BICD1: variants seen among roughly 807,000 people sequenced by gnomAD.
BICD1 encodes the protein BICD cargo adaptor 1.
A neutral mutation model predicts 92.5 loss-of-function variants in BICD1; 35 were observed. The observed-to-expected ratio is 0.38, with a 90% CI of 0.29 to 0.50. The LOEUF (loss-of-function observed/expected upper bound fraction) is 0.50, where lower values mean the gene tolerates loss of function less well. BICD1 is among the 20% of genes least tolerant of loss of function. The probability of loss-of-function intolerance (pLI) is 0.93; values close to 1 mark genes in which losing one functional copy is unlikely to be tolerated. For missense variants in BICD1, 950 were observed against 1,189.8 expected (o/e 0.80, Z 2.97); for synonymous variants, 429 against 465.1 (o/e 0.92, Z 1.00).
At chr12:32,200,682 A>G (rs161968) in intron 1 of BICD1, among the ~76,000 whole-genome samples, 23,024 of 151,932 alleles carry the variant, frequency 0.15, 1,984 homozygotes, top group East Asian at 0.22. Context: ...CTTATATGCA[A>G]TAGTGAATAA....
At chr12:32,290,132 A>G (rs1947688735) in intron 2 of BICD1, among the ~76,000 whole-genome samples, 1 of 118,626 alleles carries the variant, frequency 8.4e-6, no homozygotes, top group African/African-American at 3.0e-5. Context: ...AGCATTCTGA[A>G]TAACAAGGAG....
intron 5 of BICD1, chr12:32,332,544 C>A: frequency 1.4e-6 from 1 of 717,524 alleles, no homozygotes; most frequent in Non-Finnish European, 1.7e-6. Context: ...AGAAGACTAA[C>A]ACATGGTCCC....
chr12:32,211,812 T>C (rs1043229865), intron 1 of BICD1, among the ~76,000 whole-genome samples: 1 of 152,162 alleles, frequency 6.6e-6, no homozygotes, highest in South Asian at 2.1e-4. Context: ...GATGATGATC[T>C]GTTGAAGACT....
At chr12:32,207,495 G>T (rs2121549744) in intron 1 of BICD1, among the ~76,000 whole-genome samples, 1 of 152,206 alleles carries the variant, frequency 6.6e-6, no homozygotes, top group South Asian at 2.1e-4. Context: ...GATTAAATCA[G>T]TTAAGAATAT....
At chr12:32,168,007 C>CGTGT (rs10568100) in intron 1 of BICD1, among the ~76,000 whole-genome samples, 5,167 of 149,864 alleles carry the variant, frequency 0.034, 108 homozygotes, top group Middle Eastern at 0.097. Flanking sequence ...AAGGAGATGG[C>CGTGT]GTGTGTGTGT....
At position 32,327,997 on chromosome 12, in the gene BICD1, G is replaced by A; in HGVS notation, c.1542G>A (p.Glu514=). 6.2e-7 allele frequency: 1 copy of A among 1,614,116 alleles called. No homozygotes were observed. Among genetic ancestry groups the A allele is most frequent in the Non-Finnish European group, 8.5e-7 (1 of 1,180,018 alleles). The change falls in exon 5 of 10, where the codon GAG becomes GAA. Residue 514 remains glutamate, a synonymous_variant. Transcript: ENST00000652176. ...ATGAGTTAGTGACATTCAGTGAGGA[G>A]TTAGCTCAGCTTTACCACCATGTGT... ...AQDELVTFSE[E]LAQLYHHVCL... is the part of the protein sequence containing the mutation.
chr12:32,141,699 C>T (rs1008806787), intron 1 of BICD1, among the ~76,000 whole-genome samples: 7 of 152,138 alleles, frequency 4.6e-5, no homozygotes, highest in Non-Finnish European at 1.5e-5. Flanking sequence ...GTCTCAAACC[C>T]CTAACCTTAA....
intron 2 of BICD1, among the ~76,000 whole-genome samples, chr12:32,229,070 C>CA (rs1426858788): frequency 6.6e-6 from 1 of 151,928 alleles, no homozygotes; most frequent in Non-Finnish European, 1.5e-5. Context: ...GCTAACATGA[C>CA]AAAACCCCAT....
At chr12:32,176,089 C>T (rs1944081667) in intron 1 of BICD1, among the ~76,000 whole-genome samples, 1 of 152,144 alleles carries the variant, frequency 6.6e-6, no homozygotes, top group Non-Finnish European at 1.5e-5. Context: ...GAATAATATT[C>T]CCTTGTATGC....
chr12:32,288,550 T>C (rs1947641716), intron 2 of BICD1, among the ~76,000 whole-genome samples: 1 of 152,110 alleles, frequency 6.6e-6, no homozygotes, highest in African/African-American at 2.4e-5. Context: ...GTGCCCAGCC[T>C]ATGTCATAAT....
intron 8 of BICD1, among the ~76,000 whole-genome samples, chr12:32,346,584 GTGTATATA>G (rs1938608764): frequency 4.1e-4 from 1 of 2,446 alleles, no homozygotes; most frequent in Non-Finnish European, 7.0e-4. Flanking sequence ...ATATATATAC[GTGTATATA>G]TATATATATA....
At chr12:32,158,592 A>C (rs1943512876) in intron 1 of BICD1, among the ~76,000 whole-genome samples, 1 of 152,250 alleles carries the variant, frequency 6.6e-6, no homozygotes, top group African/African-American at 2.4e-5. Flanking sequence ...TGAAGGTGGC[A>C]GACTTGCTCC....
At chr12:32,358,937 C>A (rs1326838556) in intron 8 of BICD1, among the ~76,000 whole-genome samples, 2 of 152,124 alleles carry the variant, frequency 1.3e-5, no homozygotes, top group Non-Finnish European at 2.9e-5. Flanking sequence ...TACATTTCTT[C>A]TGCCCGCTCT....
Position 32,106,910 on chromosome 12 carries a change from G to T in BICD1, c.-422G>T. ...GGTGGAGCGAGAGAGCGAGCCGCGAGCCGGAGCGCGCCAGACCCAGGGCGA... is the reference window on the plus strand; with the variant it reads ...GGTGGAGCGAGAGAGCGAGCCGCGATCCGGAGCGCGCCAGACCCAGGGCGA... On this transcript the variant is annotated 5_prime_UTR_variant, in exon 1 of 10. Coordinates refer to ENST00000652176, the MANE Select transcript of BICD1 (RefSeq NM_001714.4). The T allele has an allele frequency of 6.1e-6, 1 of 162,634 alleles. No homozygotes were observed. Among genetic ancestry groups the T allele is most frequent in the Non-Finnish European group, 1.2e-5 (1 of 81,050 alleles). The allele number at this position is 162,634 out of a possible 1,614,324, so 10.1% of individuals were successfully genotyped here.
intron 2 of BICD1, among the ~76,000 whole-genome samples, chr12:32,278,658 C>T (rs1409949114): frequency 6.6e-6 from 1 of 152,206 alleles, no homozygotes; most frequent in African/African-American, 2.4e-5. Flanking sequence ...TCGAGACCAT[C>T]CTGGCTAACA....
At chr12:32,348,818 G>T (rs537708498) in intron 8 of BICD1, among the ~76,000 whole-genome samples, 2 of 116,280 alleles carry the variant, frequency 1.7e-5, no homozygotes, top group Admixed American at 9.0e-5. Flanking sequence ...ACATTACTGG[G>T]GTTCGTTTCT....
intron 1 of BICD1, among the ~76,000 whole-genome samples, chr12:32,135,958 C>T (rs556485164): frequency 1.2e-4 from 19 of 152,288 alleles, no homozygotes; most frequent in Non-Finnish European, 1.9e-4. Context: ...AGTTCTGCCT[C>T]TTAAATCTTG....
chr12:32,359,427 G>T (rs894563000), intron 8 of BICD1, among the ~76,000 whole-genome samples: 5 of 152,134 alleles, frequency 3.3e-5, no homozygotes, highest in Non-Finnish European at 7.3e-5. Flanking sequence ...AAGTGGTGCA[G>T]GGCATCACAT....
chr12:32,301,218 C>T (rs533839352), intron 3 of BICD1, among the ~76,000 whole-genome samples: 2 of 152,254 alleles, frequency 1.3e-5, no homozygotes, highest in South Asian at 2.1e-4. Context: ...TCCTGGCTAA[C>T]AAATTGAGAT....
Sources: allele counts gnomAD v4.1 joint callset (sites outside exome capture counted in the v4.1 genomes callset), GRCh38; gene constraint gnomAD v4.1.1; transcripts MANE v1.5; gene names NCBI Gene and HGNC (gene_info 2026-07-23, HGNC 2026-07-21).